Variants in MAPK10 observed in about 807,000 individuals in gnomAD.
The protein encoded by MAPK10 is mitogen-activated protein kinase 10.
MAPK10 carries 25 observed loss-of-function variants against 59.3 expected under a neutral mutation model. That is an observed-to-expected ratio of 0.42 (90% CI 0.31 to 0.59). The LOEUF (loss-of-function observed/expected upper bound fraction) is 0.59, where lower values mean the gene tolerates loss of function less well. Among genes scored for constraint, MAPK10 ranks in the 20% least tolerant of loss-of-function variants. MAPK10 has a pLI of 0.15. For synonymous variants in MAPK10, 190 were observed against 200.5 expected, an observed-to-expected ratio of 0.95 and a Z score of 0.44; for missense variants, 351 against 568.9, an observed-to-expected ratio of 0.62 and a Z score of 3.90.
At chr4:86,239,010 G>A (rs2092506036) in intron 2 of MAPK10, among the ~76,000 whole-genome samples, 1 of 152,076 alleles carries the variant, frequency 6.6e-6, no homozygotes, top group Admixed American at 6.6e-5. Flanking sequence ...ATTATTTTGA[G>A]ATTATGTTCC....
intron 1 of MAPK10, among the ~76,000 whole-genome samples, chr4:86,589,758 A>G (rs1762893282): frequency 6.6e-6 from 1 of 152,024 alleles, no homozygotes; most frequent in Non-Finnish European, 1.5e-5. Context: ...ACAGATGTAC[A>G]CCACATGTAA....
At chr4:86,286,638 G>A (rs2095022847) in intron 2 of MAPK10, among the ~76,000 whole-genome samples, 1 of 152,162 alleles carries the variant, frequency 6.6e-6, no homozygotes, top group African/African-American at 2.4e-5. Flanking sequence ...GTTAGTAAAT[G>A]GCAGAGCAGA....
chr4:86,249,926 TC>T (rs977204326), intron 2 of MAPK10, among the ~76,000 whole-genome samples: 4 of 151,950 alleles, frequency 2.6e-5, no homozygotes, highest in African/African-American at 7.3e-5. Context: ...GACAGAACCA[TC>T]CTGAGAATGG....
intron 11 of MAPK10, among the ~76,000 whole-genome samples, chr4:86,036,458 G>A (rs2040321142): frequency 6.6e-6 from 1 of 151,576 alleles, no homozygotes; most frequent in Admixed American, 6.6e-5. Flanking sequence ...TCTCTATCTA[G>A]TTAAAGGAAG....
At chr4:86,424,221 G>A (rs1746963241) in intron 1 of MAPK10, among the ~76,000 whole-genome samples, 1 of 149,256 alleles carries the variant, frequency 6.7e-6, no homozygotes. Context: ...TATTTATTTT[G>A]AGACAGAGTC....
chr4:86,550,384 A>T (rs1456901871), intron 1 of MAPK10, among the ~76,000 whole-genome samples: 1 of 55,534 alleles, frequency 1.8e-5, no homozygotes, highest in Non-Finnish European at 4.8e-5. Flanking sequence ...TAAAAAAAAA[A>T]AAAAAAAAAA....
At chr4:86,289,150 G>A (rs752131604) in intron 2 of MAPK10, among the ~76,000 whole-genome samples, 1 of 152,080 alleles carries the variant, frequency 6.6e-6, no homozygotes, top group South Asian at 2.1e-4. Flanking sequence ...GTGAAGGAGC[G>A]TTTAGGATAT....
At chr4:86,270,592 T>A (rs1361028665) in intron 2 of MAPK10, among the ~76,000 whole-genome samples, 1 of 152,078 alleles carries the variant, frequency 6.6e-6, no homozygotes, top group Non-Finnish European at 1.5e-5. Flanking sequence ...ATTTCTGATA[T>A]CTACATACAC....
rs543930116 is a variant in MAPK10 at position 86,320,962 on chromosome 4, C to T, written c.-7+33568G>A. On this transcript the variant is annotated intron_variant, in intron 2 of 13. Transcript: ENST00000641462. ...CACTTCTCAAAAGAAGACAATTATG[C>T]AGCCAAAAAACACATGAAAAAATGC... Among the ~76,000 whole-genome samples the T allele has an allele frequency of 2.8e-3, 389 of 140,738 alleles. 11 individuals are homozygous for T. The East Asian group carries it at 0.064, about 23-fold the overall frequency. 92.3% of individuals were successfully genotyped at this position (140,738 alleles called of 152,430 possible).
At chr4:86,255,420 C>G (rs571371433) in intron 2 of MAPK10, among the ~76,000 whole-genome samples, 1 of 152,192 alleles carries the variant, frequency 6.6e-6, no homozygotes, top group South Asian at 2.1e-4. Context: ...CATTTTAAGA[C>G]AGGACACTGA....
intron 1 of MAPK10, among the ~76,000 whole-genome samples, chr4:86,415,206 G>T (rs1245962500): frequency 6.6e-6 from 1 of 151,522 alleles, no homozygotes; most frequent in African/African-American, 2.4e-5. Context: ...CTCATCATGT[G>T]GTGTTTGAAA....
intron 4 of MAPK10, among the ~76,000 whole-genome samples, chr4:86,117,058 A>G (rs6821745): frequency 0.8 from 122,110 of 152,208 alleles, 49,143 homozygotes; most frequent in East Asian, 0.89. Context: ...TTTCAAGTAT[A>G]TCCCATGACA....
At chr4:86,062,149 C>A (rs1259864397) in intron 11 of MAPK10, among the ~76,000 whole-genome samples, 1 of 152,134 alleles carries the variant, frequency 6.6e-6, no homozygotes, top group Admixed American at 6.6e-5. Flanking sequence ...CATCTCTTCA[C>A]TACAACATGT....
intron 2 of MAPK10, among the ~76,000 whole-genome samples, chr4:86,215,487 A>G (rs1227833168): frequency 6.6e-6 from 1 of 152,222 alleles, no homozygotes; most frequent in Non-Finnish European, 1.5e-5. Context: ...GGAGTGGGAG[A>G]AAATATTTTC....
At chr4:86,242,751 C>T (rs1016994439) in intron 2 of MAPK10, among the ~76,000 whole-genome samples, 7 of 152,340 alleles carry the variant, frequency 4.6e-5, no homozygotes, top group Admixed American at 6.5e-5. Context: ...TGCTCTTCCC[C>T]TGCCCAGAGA....
At chr4:86,218,568 CAAAAAAA>C (rs11330422) in intron 2 of MAPK10, among the ~76,000 whole-genome samples, 2 of 95,450 alleles carry the variant, frequency 2.1e-5, no homozygotes, top group Non-Finnish European at 4.6e-5. Flanking sequence ...AAGACTTAAG[CAAAAAAA>C]AAAAAAAAAA....
chr4:86,512,866 C>T (rs1249098058), intron 1 of MAPK10, among the ~76,000 whole-genome samples: 1 of 152,140 alleles, frequency 6.6e-6, no homozygotes, highest in African/African-American at 2.4e-5. Context: ...AAACTGCAAA[C>T]CAGGATAAGA....
intron 2 of MAPK10, among the ~76,000 whole-genome samples, chr4:86,276,809 A>G (rs1303944652): frequency 6.6e-6 from 1 of 152,162 alleles, no homozygotes; most frequent in Non-Finnish European, 1.5e-5. Flanking sequence ...ACCAATTTAG[A>G]AAAGAGATAC....
chr4:86,211,404 A>C (rs1212229338), intron 2 of MAPK10, among the ~76,000 whole-genome samples: 2 of 152,104 alleles, frequency 1.3e-5, no homozygotes, highest in Non-Finnish European at 2.9e-5. Flanking sequence ...GAAACTTTGG[A>C]GGGCAGAAGG....
Sources: allele counts gnomAD v4.1 joint callset (sites outside exome capture counted in the v4.1 genomes callset), GRCh38; gene constraint gnomAD v4.1.1; transcripts MANE v1.5; gene names NCBI Gene and HGNC (gene_info 2026-07-23, HGNC 2026-07-21).